The following EIF3M variants were observed in gnomAD, a reference collection of about 807,000 sequenced individuals.
The protein encoded by EIF3M is eukaryotic translation initiation factor 3 subunit M, also known as B5 receptor.
EIF3M carries 25 observed loss-of-function variants against 49.7 expected under a neutral mutation model. The ratio of observed to expected loss-of-function variants is 0.50; its 90% CI spans 0.37 to 0.70. The LOEUF (loss-of-function observed/expected upper bound fraction) is 0.70. EIF3M is among the 30% of genes least tolerant of loss of function. The pLI is 0.00. For missense variants in EIF3M, 350 were observed against 440.0 expected, an observed-to-expected ratio of 0.80 and a Z score of 1.83; for synonymous variants, 156 against 149.8, an observed-to-expected ratio of 1.04 and a Z score of -0.30.
At chr11:32,584,741 T>C (rs749361465) in intron 1 of EIF3M, among the ~76,000 whole-genome samples, 41 of 152,032 alleles carry the variant, frequency 2.7e-4, no homozygotes, top group Non-Finnish European at 4.9e-4. Flanking sequence ...CCCGGAAGTA[T>C]GGTATCAGTT....
At position 32,601,974 on chromosome 11, in the gene EIF3M, A is replaced by G; in HGVS notation, c.1004+152A>G. 5.5e-6 allele frequency: 5 copies of G among 901,726 alleles called. No homozygotes were observed. The Admixed American group carries it at 7.9e-5, about 14-fold the overall frequency. 55.9% of individuals were successfully genotyped at this position (901,726 alleles called of 1,614,324 possible). A position where few individuals can be genotyped will look rare whatever the true frequency, so the allele number is the denominator to read the frequency against. On this transcript the variant is annotated intron_variant, in intron 10 of 10. Transcript: ENST00000531120. ...ATAATTTTATTAAAGTTCAGACTGAATGTGATTAGCTTATTTAATGAAAGA... is the reference window on the plus strand; with the variant it reads ...ATAATTTTATTAAAGTTCAGACTGAGTGTGATTAGCTTATTTAATGAAAGA...
In EIF3M at chr11:32,600,499, T is replaced by G. The variant is rs192472717; in HGVS notation, c.800-190T>G. Among the ~76,000 whole-genome samples, 275 of 152,094 alleles carry G rather than the reference T, an allele frequency of 1.8e-3. 2 individuals carry two copies. Among genetic ancestry groups the G allele is most frequent in the Middle Eastern group, 6.8e-3 (2 of 294 alleles). ...GGTACTATAGAAAAATTGTTTTTAATACTCTGTGGAGTCAGTTTATAGTTT... is the reference window on the plus strand; with the variant it reads ...GGTACTATAGAAAAATTGTTTTTAAGACTCTGTGGAGTCAGTTTATAGTTT... On this transcript the variant is annotated intron_variant, in intron 8 of 10. Coordinates refer to ENST00000531120, the MANE Select transcript of EIF3M (RefSeq NM_006360.6).
In EIF3M at chr11:32,590,069, T is replaced by C. The variant is rs1263692469; in HGVS notation, c.533+428T>C. Among the ~76,000 whole-genome samples, 6 of 152,224 alleles carry C rather than the reference T, an allele frequency of 3.9e-5. No homozygotes were observed. The South Asian group carries it at 6.2e-4, about 16-fold the overall frequency. On this transcript the variant is annotated intron_variant, in intron 5 of 10. Coordinates refer to ENST00000531120, the MANE Select transcript of EIF3M (RefSeq NM_006360.6). ...TCACACTCTAGACCCAGCGAGCCTA[T>C]GTCAGGTATAAAAGCACCATGCTCT...
chr11:32,585,752 T>C (rs1854987836), intron 1 of EIF3M, among the ~76,000 whole-genome samples: 1 of 152,234 alleles, frequency 6.6e-6, no homozygotes, highest in Non-Finnish European at 1.5e-5. Flanking sequence ...TCTTGTTACC[T>C]GAAAGGATAG....
intron 5 of EIF3M, among the ~76,000 whole-genome samples, chr11:32,591,138 C>T (rs915751636): frequency 3.3e-5 from 5 of 152,298 alleles, no homozygotes; most frequent in Admixed American, 1.3e-4. Flanking sequence ...CGTGAGCCAC[C>T]GCACCAGGCC....
At chr11:32,601,441 AGT>A (rs1329734264) in intron 9 of EIF3M, 1 of 197,696 alleles carries the variant, frequency 5.1e-6, no homozygotes, top group Non-Finnish European at 1.0e-5. Flanking sequence ...GTAATAACTT[AGT>A]AGGAAATTAG....
Position 32,603,493 on chromosome 11 carries a change from G to A in EIF3M, c.*1094G>A, listed in dbSNP as rs575765689. On this transcript the variant is annotated 3_prime_UTR_variant, in exon 11 of 11. Coordinates refer to ENST00000531120, the MANE Select transcript of EIF3M (RefSeq NM_006360.6). Reference sequence around the variant, plus strand: ...AATCATTAGTAATCCCTTATCCAGAGAGGCTTGTTGACATTTTGGTATTAT... The same window carrying A: ...AATCATTAGTAATCCCTTATCCAGAAAGGCTTGTTGACATTTTGGTATTAT... 6.6e-6 allele frequency: 1 copy of A among 152,556 alleles called. No individual in the cohort carries two copies. Among genetic ancestry groups the A allele is most frequent in the East Asian group, 1.9e-4 (1 of 5,194 alleles). The allele number at this position is 152,556 out of a possible 1,614,324, so 9.5% of individuals were successfully genotyped here.
In EIF3M at chr11:32,600,720, G is replaced by T; in HGVS notation, c.831G>T (p.Met277Ile). 1 of 1,610,892 alleles carries T rather than the reference G, an allele frequency of 6.2e-7. No individual in the cohort carries two copies. The highest frequency in any genetic ancestry group is 8.5e-7 in the Non-Finnish European group (1 of 1,178,144). ...GLLHEQNMAKMRLLTFMGMAV... is the reference protein window; with the variant it reads ...GLLHEQNMAKIRLLTFMGMAV... ...TACATGAACAGAATATGGCAAAAAT[G>T]AGACTACTTACTTTTATGGGAATGG... is the stretch of plus-strand genomic sequence containing the variant. The change falls in exon 9 of 11, where the codon ATG becomes ATT. Residue 277 changes from methionine (M) to isoleucine (I), a missense_variant. Coordinates refer to ENST00000531120, the MANE Select transcript of EIF3M (RefSeq NM_006360.6).
At position 32,603,845 on chromosome 11, in the gene EIF3M, C is replaced by T. The variant is rs1238587213; in HGVS notation, c.*1446C>T. On this transcript the variant is annotated 3_prime_UTR_variant, in exon 11 of 11. Transcript: ENST00000531120. ...ATCCCAGCACTTTGGGAAACTGAGG[C>T]GAGTGGATTGCATGAGCTCAGGAGT... is the stretch of plus-strand genomic sequence containing the variant. 8 of 152,186 alleles carry T rather than the reference C, an allele frequency of 5.3e-5. No homozygotes were observed. Among genetic ancestry groups the T allele is most frequent in the Admixed American group, 1.3e-4 (2 of 15,278 alleles). The allele number at this position is 152,186 out of a possible 1,614,324, so 9.4% of individuals were successfully genotyped here.
chr11:32,584,128 G>C, intron 1 of EIF3M, 199 bp downstream of exon 1: 1 of 642,280 alleles, frequency 1.6e-6, no homozygotes, highest in South Asian at 2.0e-5. Context: ...GTCCCAGCGC[G>C]GGGCCCGACG....
At chr11:32,594,298 C>T in intron 6 of EIF3M, 1 of 186,950 alleles carries the variant, frequency 5.3e-6, no homozygotes, top group Non-Finnish European at 1.1e-5. Flanking sequence ...TAACCCATTG[C>T]TAATGAGTAT....
intron 2 of EIF3M, 90 bp from the exon 3 acceptor site, chr11:32,588,504 C>T: frequency 2.8e-6 from 4 of 1,413,458 alleles, no homozygotes; most frequent in Non-Finnish European, 3.8e-6. Flanking sequence ...TGATGGTCTT[C>T]ATTGTATTAA....
chr11:32,598,669 T>G (rs977317566), intron 8 of EIF3M, among the ~76,000 whole-genome samples: 1 of 152,112 alleles, frequency 6.6e-6, no homozygotes, highest in Non-Finnish European at 1.5e-5. Flanking sequence ...TCTTCATTCC[T>G]CTGATAAGTT....
At chr11:32,600,607 T>C (rs1007605568) in intron 8 of EIF3M, 82 bp from the exon 9 acceptor site, 2 of 1,377,156 alleles carry the variant, frequency 1.5e-6, no homozygotes, top group Non-Finnish European at 1.9e-6. Flanking sequence ...AAAAATAATT[T>C]CCACAGCTTA....
rs35206274 is a variant in EIF3M, at chr11:32,596,600, CAAAAA to C, written c.799+569_799+573del. On this transcript the variant is annotated intron_variant, in intron 8 of 10. Transcript: ENST00000531120. ...TCGGCAACAGAGCAAGAGTCTGTCT[CAAAAA>C]AAAAAAAAAAAAAAAGAAAGAAAAG... 2.2e-3 allele frequency among the ~76,000 whole-genome samples: 253 copies of C among 116,362 alleles called. 1 individual carries two copies. The highest frequency in any genetic ancestry group is 3.2e-3 in the Non-Finnish European group (182 of 57,052). 76.3% of individuals were successfully genotyped at this position (116,362 alleles called of 152,430 possible).
chr11:32,602,432 A>G lies in EIF3M; in HGVS notation c.*33A>G, dbSNP rs1345308859. On this transcript the variant is annotated 3_prime_UTR_variant, in exon 11 of 11. Transcript: ENST00000531120. ...TGCTTATAATTTTTGTTCTTTGAAA[A>G]AAAAGCCCTAAATCATAGTAAAACA... 1 of 1,599,822 alleles carries G rather than the reference A, an allele frequency of 6.3e-7. No homozygotes were observed.
At chr11:32,585,259 C>T (rs1854977937) in intron 1 of EIF3M, among the ~76,000 whole-genome samples, 1 of 151,812 alleles carries the variant, frequency 6.6e-6, no homozygotes, top group Non-Finnish European at 1.5e-5. Context: ...ATGTTACCAA[C>T]AGTTGGCTGT....
In EIF3M at chr11:32,602,300, T is replaced by C; in HGVS notation, c.1026T>C (p.Phe342=). The C allele has an allele frequency of 6.2e-7, 1 of 1,611,848 alleles. No homozygotes were observed. Among genetic ancestry groups the C allele is most frequent in the Non-Finnish European group, 8.5e-7 (1 of 1,178,682 alleles). Residue 342 remains phenylalanine (F), a synonymous_variant, in exon 11 of 11, where the codon TTT becomes TTC. Transcript: ENST00000531120. ...TTAGTCATAGCACACATCGGACATT[T>C]GGAAAACAGCAGTGGCAACAACTGT... ...VVVSHSTHRT[F]GKQQWQQLYD... is the part of the protein sequence containing the mutation.
chr11:32,592,495 ACT>A (rs1350425294), intron 5 of EIF3M: 11 of 523,900 alleles, frequency 2.1e-5, no homozygotes, highest in East Asian at 1.9e-4. Flanking sequence ...GCTTTACAGA[ACT>A]CTCTCTAGAA....
Sources: allele counts gnomAD v4.1 joint callset (sites outside exome capture counted in the v4.1 genomes callset), GRCh38; gene constraint gnomAD v4.1.1; transcripts MANE v1.5; gene names NCBI Gene and HGNC (gene_info 2026-07-23, HGNC 2026-07-21).